The following PIK3R5 variants were observed in gnomAD, a reference collection of about 807,000 sequenced individuals.
The protein encoded by PIK3R5 is phosphoinositide-3-kinase regulatory subunit 5.
In PIK3R5, 32 loss-of-function variants were observed where a neutral mutation model predicts 94.9. That is an observed-to-expected ratio of 0.34 (90% confidence interval 0.25 to 0.45). The LOEUF is 0.45. Among genes scored for constraint, PIK3R5 ranks in the 20% least tolerant of loss-of-function variants. PIK3R5 has a pLI of 1.00. For missense variants in PIK3R5, 853 were observed against 1,144.6 expected (o/e 0.75, Z 3.68); for synonymous variants, 443 against 479.4 (o/e 0.92, Z 0.99).
chr17:8,919,705 G>A lies in PIK3R5; in HGVS notation c.-13-8198C>T, dbSNP rs117387466. Among the ~76,000 whole-genome samples, 234 of 152,266 alleles carry A rather than the reference G, an allele frequency of 1.5e-3. 2 individuals carry two copies. Among genetic ancestry groups the A allele is most frequent in the Non-Finnish European group, 3.0e-3 (203 of 68,022 alleles). ...TAAAAGGACAGGGCACACCATGTGTGTGCTTGGGATCTGCAAGAGCTCAAG... is the reference window on the plus strand; with the variant it reads ...TAAAAGGACAGGGCACACCATGTGTATGCTTGGGATCTGCAAGAGCTCAAG... On this transcript the variant is annotated intron_variant, in intron 1 of 18. Coordinates refer to ENST00000447110, the MANE Select transcript of PIK3R5 (RefSeq NM_001142633.3).
chr17:8,928,978 G>A (rs1385818702), intron 1 of PIK3R5, among the ~76,000 whole-genome samples: 1 of 152,082 alleles, frequency 6.6e-6, no homozygotes, highest in Admixed American at 6.5e-5. Flanking sequence ...TATAAATGGA[G>A]GCAGGTAAAG....
chr17:8,962,331 AG>A (rs2091581045), intron 1 of PIK3R5, among the ~76,000 whole-genome samples: 1 of 152,256 alleles, frequency 6.6e-6, no homozygotes, highest in African/African-American at 2.4e-5. Context: ...AAAAAGACAC[AG>A]GGTACAAAAG....
Position 8,956,611 on chromosome 17 carries a change from CCT to C in PIK3R5, c.-14+8983_-14+8984del, listed in dbSNP as rs144450163. ...TAGCCCGTACATCACATCACAGCCC[CCT>C]GTGTTCTCTTAAGCACAATAACAGG... On this transcript the variant is annotated intron_variant, in intron 1 of 18. Transcript: ENST00000447110. Among the ~76,000 whole-genome samples the C allele has an allele frequency of 2.0e-4, 31 of 152,290 alleles. No homozygotes were observed. In the East Asian group the frequency reaches 5.6e-3, roughly 27 times the overall value.
intron 1 of PIK3R5, among the ~76,000 whole-genome samples, chr17:8,949,115 C>T (rs946469414): frequency 6.6e-6 from 1 of 152,156 alleles, no homozygotes; most frequent in Non-Finnish European, 1.5e-5. Context: ...GAAATGCTGG[C>T]AGTTCAGCCC....
Position 8,881,760 on chromosome 17 carries a change from C to A in PIK3R5, c.2299+28G>T. The A allele has an allele frequency of 6.2e-7, 1 of 1,612,974 alleles. No individual in the cohort carries two copies. Among genetic ancestry groups the A allele is most frequent in the Non-Finnish European group, 8.5e-7 (1 of 1,178,946 alleles). On this transcript the variant is annotated intron_variant, in intron 16 of 18. Coordinates refer to ENST00000447110, the MANE Select transcript of PIK3R5 (RefSeq NM_001142633.3). The surrounding 1 kb of genome is among the most constrained non-coding windows in gnomAD (Gnocchi z 4.8). ...CCAGGCTCAGAGCACCTCCCTACTGCACACCCCACACTGACCACCCCACTC... is the reference window on the plus strand; with the variant it reads ...CCAGGCTCAGAGCACCTCCCTACTGAACACCCCACACTGACCACCCCACTC...
At position 8,880,167 on chromosome 17, in the gene PIK3R5, A is replaced by G. The variant is rs2089619288; in HGVS notation, c.*472T>C. Reference sequence around the variant, plus strand: ...GGAGAGGTGGTCTTGAAGTAGAGAAATGTTTCATCCACATTTCAATCACCT... The same window carrying G: ...GGAGAGGTGGTCTTGAAGTAGAGAAGTGTTTCATCCACATTTCAATCACCT... On this transcript the variant is annotated 3_prime_UTR_variant, in exon 19 of 19. Transcript: ENST00000447110. 6.5e-6 allele frequency: 1 copy of G among 154,056 alleles called. No individual in the cohort carries two copies. Among genetic ancestry groups the G allele is most frequent in the Non-Finnish European group, 1.4e-5 (1 of 69,410 alleles). 9.5% of individuals were successfully genotyped at this position (154,056 alleles called of 1,614,324 possible).
intron 1 of PIK3R5, among the ~76,000 whole-genome samples, chr17:8,961,078 G>C (rs140896917): frequency 6.6e-6 from 1 of 152,150 alleles, no homozygotes; most frequent in African/African-American, 2.4e-5. Context: ...AGGAGGGGGC[G>C]GTCAGTGCTG....
intron 1 of PIK3R5, among the ~76,000 whole-genome samples, chr17:8,952,243 A>G (rs1197519063): frequency 1.3e-5 from 2 of 152,242 alleles, no homozygotes; most frequent in African/African-American, 4.8e-5. Context: ...GGTCTCTCCA[A>G]TCCAACAGAG....
chr17:8,958,705 G>A (rs1031603148), intron 1 of PIK3R5, among the ~76,000 whole-genome samples: 1 of 151,868 alleles, frequency 6.6e-6, no homozygotes, highest in South Asian at 2.1e-4. Context: ...TCTCTGATCC[G>A]TAGACTGTTT....
At chr17:8,927,432 T>C (rs1315088234) in intron 1 of PIK3R5, among the ~76,000 whole-genome samples, 1 of 152,126 alleles carries the variant, frequency 6.6e-6, no homozygotes, top group African/African-American at 2.4e-5. Context: ...GTCTTTTATC[T>C]CCATTAGCGG....
intron 13 of PIK3R5, 36 bp from the exon 14 acceptor site, chr17:8,886,358 C>G: frequency 6.2e-7 from 1 of 1,602,862 alleles, no homozygotes; most frequent in Admixed American, 1.7e-5. Context: ...CAGTGTGAAC[C>G]TCCTGGAGGG....
chr17:8,912,760 G>C (rs923573303), intron 1 of PIK3R5, among the ~76,000 whole-genome samples: 4 of 152,228 alleles, frequency 2.6e-5, no homozygotes, highest in African/African-American at 9.6e-5. Context: ...TCAGCTGCGC[G>C]GCTAGAGTAT....
Position 8,888,910 on chromosome 17 carries a change from A to G in PIK3R5, c.896-19T>C. 1 of 1,584,136 alleles carries G rather than the reference A, an allele frequency of 6.3e-7. No individual in the cohort carries two copies. Among genetic ancestry groups the G allele is most frequent in the African/African-American group, 1.3e-5 (1 of 74,692 alleles). ...AGGATGTCTGCAGGGAAGCAAGGCC[A>G]GCACTGTCTGGGCGTCTGGGCCCCG... On this transcript the variant is annotated intron_variant, in intron 9 of 18. Transcript: ENST00000447110. This position sits in a 1 kb window ranked among gnomAD's most constrained non-coding sequence, Gnocchi z 7.8.
At position 8,888,034 on chromosome 17, in the gene PIK3R5, AT is replaced by A. The variant is rs1368573457; in HGVS notation, c.1616+136del. ...AATAATAATAATAATAATAATAATA[AT>A]AATAATAATAATAAAATAAAAATAA... is the stretch of plus-strand genomic sequence containing the variant. On this transcript the variant is annotated intron_variant, in intron 10 of 18. Transcript: ENST00000447110. The surrounding 1 kb of genome is among the most constrained non-coding windows in gnomAD (Gnocchi z 7.8). The A allele has an allele frequency of 8.8e-6, 2 of 226,378 alleles. No individual in the cohort carries two copies. The highest frequency in any genetic ancestry group is 5.3e-5 in the African/African-American group (2 of 38,004). 14.0% of individuals were successfully genotyped at this position (226,378 alleles called of 1,614,324 possible). A position where few individuals can be genotyped will look rare whatever the true frequency, so the allele number is the denominator to read the frequency against.
Position 8,886,143 on chromosome 17 carries a change from T to A in PIK3R5, c.2128+86A>T, listed in dbSNP as rs1383384936. 7.1e-6 allele frequency: 7 copies of A among 987,194 alleles called. No individual in the cohort carries two copies. In the East Asian group the frequency reaches 8.1e-5, roughly 11 times the overall value. 61.2% of individuals were successfully genotyped at this position (987,194 alleles called of 1,614,324 possible). On this transcript the variant is annotated intron_variant, in intron 14 of 18. Transcript: ENST00000447110. ...AACCCCACCTTCCCATGGCCCCACCTCCCAGGTAACCCCACCTCCACAGAG... is the reference window on the plus strand; with the variant it reads ...AACCCCACCTTCCCATGGCCCCACCACCCAGGTAACCCCACCTCCACAGAG...
rs1350075676 is a variant in PIK3R5 at position 8,889,693 on chromosome 17, A to G, written c.811+280T>C. Among the ~76,000 whole-genome samples the G allele has an allele frequency of 6.6e-6, 1 of 152,142 alleles. No individual in the cohort carries two copies. Among genetic ancestry groups the G allele is most frequent in the African/African-American group, 2.4e-5 (1 of 41,424 alleles). On this transcript the variant is annotated intron_variant, in intron 8 of 18. Transcript: ENST00000447110. This position sits in a 1 kb window ranked among gnomAD's most constrained non-coding sequence, Gnocchi z 4.1. ...GAACATGAGCGGAAGTGATGTGCCC[A>G]GCTTCTGCATCACCTTCAACAGAAA... is the stretch of plus-strand genomic sequence containing the variant.
At chr17:8,938,263 G>A (rs532640087) in intron 1 of PIK3R5, among the ~76,000 whole-genome samples, 6 of 152,292 alleles carry the variant, frequency 3.9e-5, no homozygotes, top group South Asian at 2.1e-4. Context: ...ATAGAAATAA[G>A]AAATTATTCC....
chr17:8,881,164 A>G lies in PIK3R5; in HGVS notation c.2383-147T>C. 2 of 659,942 alleles carry G rather than the reference A, an allele frequency of 3.0e-6. No individual in the cohort carries two copies. Among genetic ancestry groups the G allele is most frequent in the Non-Finnish European group, 5.5e-6 (2 of 366,060 alleles). The allele number at this position is 659,942 out of a possible 1,614,324, so 40.9% of individuals were successfully genotyped here. On this transcript the variant is annotated intron_variant, in intron 17 of 18. Transcript: ENST00000447110. This position sits in a 1 kb window ranked among gnomAD's most constrained non-coding sequence, Gnocchi z 4.8. The stretch of plus-strand genomic sequence containing the variant: ...TGACTGCGCTCCAGGGTTAATGGCC[A>G]GGTCACAGGAGGGAGCCTGAGGCCT...
At chr17:8,912,415 C>T (rs2090545777) in intron 1 of PIK3R5, 1 of 152,286 alleles carries the variant, frequency 6.6e-6, no homozygotes, top group South Asian at 2.1e-4. Context: ...TTTAACTTTT[C>T]CAAACTTCTG....
Sources: gnomAD v4.1 joint callset for allele counts (sites outside exome capture counted in the v4.1 genomes callset) on GRCh38, gnomAD v4.1.1 for gene constraint, Gnocchi (gnomAD v3.1) non-coding constraint, MANE v1.5 for transcripts, NCBI Gene and HGNC (gene_info 2026-07-23, HGNC 2026-07-21) for gene names.